Variants in ABCB11 observed in about 807,000 individuals in gnomAD.
ABCB11 encodes ATP binding cassette subfamily B member 11.
Under a neutral mutation model 148.0 loss-of-function variants are expected in ABCB11, and 95 were observed. The observed-to-expected ratio is 0.64, with a 90% CI of 0.54 to 0.76. The LOEUF (loss-of-function observed/expected upper bound fraction) is 0.76. ABCB11 is among the 30% of genes least tolerant of loss of function. The pLI is 0.00. For synonymous variants in ABCB11, 591 were observed against 555.4 expected (o/e 1.06, Z -0.90); for missense variants, 1,523 against 1,617.8 (o/e 0.94, Z 1.01).
chr2:168,993,944 A>G, intron 7 of ABCB11, 62 bp from the exon 8 acceptor site: 5 of 1,365,762 alleles, frequency 3.7e-6, no homozygotes, highest in Non-Finnish European at 5.1e-6. Context: ...ATCTTGCTGA[A>G]AGTCTCAGTC....
intron 1 of ABCB11, 55 bp from the exon 2 acceptor site, chr2:169,018,207 A>G: frequency 6.7e-7 from 1 of 1,488,492 alleles, no homozygotes. Flanking sequence ...TTCTTCTTTA[A>G]TCAAAGTAGC....
chr2:168,978,464 A>G (rs1694011629), intron 11 of ABCB11, among the ~76,000 whole-genome samples: 1 of 151,716 alleles, frequency 6.6e-6, no homozygotes. Context: ...GTGGTTTTTA[A>G]CAATCTCTCT....
In ABCB11 at chr2:168,976,414, C is replaced by A. The variant is rs75379151; in HGVS notation, c.1308+163G>T. On this transcript the variant is annotated intron_variant, in intron 12 of 27. Coordinates refer to ENST00000650372, the MANE Select transcript of ABCB11 (RefSeq NM_003742.4). ...TATCACAAAGGAATGTGGTCTGTTG[C>A]CTGAGATAAGCCAACACCCGAGGAT... is the stretch of plus-strand genomic sequence containing the variant. 3.9e-4 allele frequency among the ~76,000 whole-genome samples: 59 copies of A among 152,194 alleles called. No homozygotes were observed. In the East Asian group the frequency reaches 0.011, roughly 29 times the overall value.
At chr2:168,960,426 G>C (rs3821120) in intron 18 of ABCB11, among the ~76,000 whole-genome samples, 78,305 of 151,378 alleles carry the variant, frequency 0.52, 21,976 homozygotes, top group East Asian at 0.9. Context: ...TTTCTGGAAC[G>C]ATTGCCCCAC....
At chr2:168,963,595 C>T (rs1226306932) in intron 18 of ABCB11, among the ~76,000 whole-genome samples, 1 of 151,700 alleles carries the variant, frequency 6.6e-6, no homozygotes, top group Admixed American at 6.6e-5. Context: ...TGTTTGCTTT[C>T]CTAGCTCTTT....
rs370137128 is a variant in ABCB11 at position 168,964,324 on chromosome 2, A to C, written c.2076-16T>G. 3 of 1,545,926 alleles carry C rather than the reference A, an allele frequency of 1.9e-6. No individual in the cohort carries two copies. The African/African-American group carries it at 4.1e-5, about 21-fold the overall frequency. On this transcript the variant is annotated splice_polypyrimidine_tract_variant and intron_variant, in intron 17 of 27. Coordinates refer to ENST00000650372, the MANE Select transcript of ABCB11 (RefSeq NM_003742.4). ...GATGGAAGCCCTGTAAATAAACAGA[A>C]AGATGAAACAGTGTAGACTGTGGCC... is the stretch of plus-strand genomic sequence containing the variant.
chr2:168,957,508 C>A (rs1692851659), intron 19 of ABCB11, among the ~76,000 whole-genome samples: 1 of 151,678 alleles, frequency 6.6e-6, no homozygotes, highest in Non-Finnish European at 1.5e-5. Flanking sequence ...TTCCTATCCA[C>A]ATTACTATTT....
chr2:168,984,715 C>T (rs1211643929), intron 10 of ABCB11, among the ~76,000 whole-genome samples: 4 of 152,056 alleles, frequency 2.6e-5, no homozygotes, highest in African/African-American at 9.7e-5. Flanking sequence ...CATTTCATAG[C>T]TATAAAGTGT....
chr2:168,973,945 G>C (rs1693707082), intron 12 of ABCB11, 105 bp from the exon 13 acceptor site: 20 of 1,287,750 alleles, frequency 1.6e-5, no homozygotes, highest in Non-Finnish European at 1.9e-5. Context: ...GTGTCTGTGT[G>C]TGCGTTTATG....
intron 12 of ABCB11, among the ~76,000 whole-genome samples, chr2:168,974,472 A>G (rs1300807281): frequency 2.0e-5 from 3 of 152,042 alleles, no homozygotes; most frequent in African/African-American, 7.2e-5. Context: ...TGTACTGATT[A>G]TGGAAAATGT....
chr2:168,938,411 A>G (rs1380895219), intron 21 of ABCB11, among the ~76,000 whole-genome samples: 1 of 152,232 alleles, frequency 6.6e-6, no homozygotes, highest in East Asian at 1.9e-4. Flanking sequence ...ATGTGAAATA[A>G]GCCAGACATA....
At chr2:168,986,050 A>G (rs1003058925) in intron 10 of ABCB11, 60 bp downstream of exon 10, 1 of 1,328,782 alleles carries the variant, frequency 7.5e-7, no homozygotes. Context: ...TATCTAATCC[A>G]TGGACTTTTC....
Position 168,969,491 on chromosome 2 carries a change from CT to C in ABCB11, c.1869del (p.Asp624IlefsTer30). ...CCATGTTCAAAACCAATGATGGTAT[CT>C]GCAGCTCTGACCGTAGACAAGCGAT... ...VAHRLSTVRA[A>X]DTIIGFEHGT... On this transcript the variant is annotated frameshift_variant, in exon 16 of 28. Coordinates refer to ENST00000650372, the MANE Select transcript of ABCB11 (RefSeq NM_003742.4). LOFTEE classifies it high-confidence loss of function. 1 of 1,612,616 alleles carries C rather than the reference CT, an allele frequency of 6.2e-7. No individual in the cohort carries two copies. The highest frequency in any genetic ancestry group is 1.3e-5 in the African/African-American group (1 of 74,916).
intron 1 of ABCB11, among the ~76,000 whole-genome samples, chr2:169,024,514 C>T (rs1695633249): frequency 6.6e-6 from 1 of 152,172 alleles, no homozygotes; most frequent in Non-Finnish European, 1.5e-5. Flanking sequence ...TAATGTCTTA[C>T]ATTATTAGTA....
At chr2:168,949,085 T>C (rs1411841033) in intron 19 of ABCB11, among the ~76,000 whole-genome samples, 1 of 151,682 alleles carries the variant, frequency 6.6e-6, no homozygotes, top group Admixed American at 6.6e-5. Context: ...CCCATCACCT[T>C]GTACAAGTTG....
intron 10 of ABCB11, among the ~76,000 whole-genome samples, chr2:168,981,775 A>G (rs1317160809): frequency 6.6e-6 from 1 of 152,154 alleles, no homozygotes. Context: ...TTCAGGCCAT[A>G]TGGGCTCTGA....
chr2:168,969,239 C>A, intron 16 of ABCB11, 111 bp downstream of exon 16: 1 of 1,007,520 alleles, frequency 9.9e-7, no homozygotes, highest in Non-Finnish European at 1.5e-6. Flanking sequence ...TATATAACGC[C>A]TGCCAGAGTT....
chr2:169,013,647 A>G, intron 4 of ABCB11, 137 bp from the exon 5 acceptor site: 1 of 639,126 alleles, frequency 1.6e-6, no homozygotes, highest in East Asian at 2.7e-5. Flanking sequence ...ATTGAGTGGC[A>G]GAGTTCGTAT....
chr2:168,983,490 T>A (rs575487875), intron 10 of ABCB11, among the ~76,000 whole-genome samples: 1 of 152,308 alleles, frequency 6.6e-6, no homozygotes, highest in East Asian at 1.9e-4. Context: ...TACTATCTCT[T>A]TAAAGTTTAC....
Sources: allele counts gnomAD v4.1 joint callset (sites outside exome capture counted in the v4.1 genomes callset), GRCh38; gene constraint gnomAD v4.1.1; transcripts MANE v1.5; gene names NCBI Gene and HGNC (gene_info 2026-07-23, HGNC 2026-07-21).